Variants in HMX2 observed in about 807,000 individuals in gnomAD.
HMX2 encodes H6 family homeobox 2, also known as homeobox protein HMX2.
A neutral mutation model predicts 21.2 loss-of-function variants in HMX2; 15 were observed. The ratio of observed to expected loss-of-function variants is 0.71; its 90% CI spans 0.47 to 1.09. HMX2 has a LOEUF of 1.09. Among genes scored for constraint, HMX2 ranks in the 50% least tolerant of loss-of-function variants. The pLI is 0.00. For synonymous variants in HMX2, 193 were observed against 181.0 expected (o/e 1.07, Z -0.53); for missense variants, 440 against 381.5 (o/e 1.15, Z -1.28).
chr10:123,149,740 G>T lies in HMX2; in HGVS notation c.439G>T (p.Ala147Ser), dbSNP rs745515890. The T allele has an allele frequency of 2.6e-4, 395 of 1,535,034 alleles. 1 individual carries two copies. Among genetic ancestry groups the T allele is most frequent in the Middle Eastern group, 2.5e-3 (14 of 5,704 alleles). ...RDGGAERQAG[A>S]AKKKTRTVFS... is the part of the protein sequence containing the mutation. Reference sequence around the variant, plus strand: ...CGGCGGCGCTGAGCGGCAGGCCGGCGCGGCCAAGAAGAAGACGCGCACCGT... The same window carrying T: ...CGGCGGCGCTGAGCGGCAGGCCGGCTCGGCCAAGAAGAAGACGCGCACCGT... The change falls in exon 2 of 2, where the codon GCG becomes TCG. Residue 147 changes from alanine (A) to serine (S), a missense_variant. Transcript: ENST00000339992. This position sits in a 1 kb window ranked among gnomAD's most constrained non-coding sequence, Gnocchi z 5.4.
rs564333314 is a variant in HMX2, at chr10:123,149,562, C to T, written c.269-8C>T. On this transcript the variant is annotated splice_region_variant and splice_polypyrimidine_tract_variant and intron_variant, in intron 1 of 1. Transcript: ENST00000339992. This position sits in a 1 kb window ranked among gnomAD's most constrained non-coding sequence, Gnocchi z 5.4. ...TCCATGGCCTTTCTGTCTGTTCTCG[C>T]TCCTCAGGTACCCCCAAGGGCAGCG... is the stretch of plus-strand genomic sequence containing the variant. 2.8e-6 allele frequency: 4 copies of T among 1,436,044 alleles called. No individual in the cohort carries two copies. In the South Asian group the frequency reaches 6.5e-5, roughly 23 times the overall value. 89.0% of individuals were successfully genotyped at this position (1,436,044 alleles called of 1,614,324 possible).
In HMX2 at chr10:123,148,446, A is replaced by G. The variant is rs756796334; in HGVS notation, c.68A>G (p.Gln23Arg). The change falls in exon 1 of 2, where the codon CAG (glutamine) becomes CGG (arginine). Residue 23 changes from glutamine to arginine, a missense_variant. By Grantham distance (43) the Gln-to-Arg change is conservative. Coordinates refer to ENST00000339992, the MANE Select transcript of HMX2 (RefSeq NM_005519.2). ...AAGGVSSFTI[Q>R]SILGGGPSEA... ...GGTGGCGTCTCCAGCTTCACCATCC[A>G]GTCCATCCTGGGCGGGGGCCCCTCG... is the stretch of plus-strand genomic sequence containing the variant. 3 of 1,613,460 alleles carry G rather than the reference A, an allele frequency of 1.9e-6. No individual in the cohort carries two copies. Among genetic ancestry groups the G allele is most frequent in the Non-Finnish European group, 2.5e-6 (3 of 1,179,708 alleles).
rs1844261711 is a variant in HMX2, at chr10:123,150,597, G to A, written c.*474G>A. 6.5e-6 allele frequency: 1 copy of A among 153,520 alleles called. No homozygotes were observed. Among genetic ancestry groups the A allele is most frequent in the African/African-American group, 2.4e-5 (1 of 41,462 alleles). The allele number at this position is 153,520 out of a possible 1,614,324, so 9.5% of individuals were successfully genotyped here. On this transcript the variant is annotated 3_prime_UTR_variant, in exon 2 of 2. Transcript: ENST00000339992. This position sits in a 1 kb window ranked among gnomAD's most constrained non-coding sequence, Gnocchi z 4.2. ...TTTTCGTTTCCCTCATCCCGAGGATGGTAGGGACGAAAAGGGGAGAGTTCA... is the reference window on the plus strand; with the variant it reads ...TTTTCGTTTCCCTCATCCCGAGGATAGTAGGGACGAAAAGGGGAGAGTTCA...
chr10:123,149,485 C>T lies in HMX2; in HGVS notation c.269-85C>T, dbSNP rs1260806791. On this transcript the variant is annotated intron_variant, in intron 1 of 1. Transcript: ENST00000339992. This position sits in a 1 kb window ranked among gnomAD's most constrained non-coding sequence, Gnocchi z 5.4. The stretch of plus-strand genomic sequence containing the variant: ...TGGGACCAAGGCTGCAGGCGCTTGC[C>T]AACCGCTTGGTCCCAGGGAGAGCTG... 8.2e-7 allele frequency: 1 copy of T among 1,219,848 alleles called. No individual in the cohort carries two copies. The highest frequency in any genetic ancestry group is 1.6e-5 in the African/African-American group (1 of 63,448). The allele number at this position is 1,219,848 out of a possible 1,614,324, so 75.6% of individuals were successfully genotyped here.
Position 123,149,775 on chromosome 10 carries a change from C to T in HMX2, c.474C>T (p.Arg158=), listed in dbSNP as rs760918514. The change falls in exon 2 of 2, where the codon CGC becomes CGT. Residue 158 remains arginine, a synonymous_variant. Transcript: ENST00000339992. The surrounding 1 kb of genome is among the most constrained non-coding windows in gnomAD (Gnocchi z 5.4). ...AKKKTRTVFS[R]SQVYQLESTF... is the part of the protein sequence containing the mutation. ...AGAAGACGCGCACCGTCTTTTCGCG[C>T]AGCCAGGTGTACCAGCTCGAGTCCA... The T allele has an allele frequency of 1.9e-6, 3 of 1,598,182 alleles. No homozygotes were observed. Among genetic ancestry groups the T allele is most frequent in the African/African-American group, 1.4e-5 (1 of 73,746 alleles).
At position 123,150,148 on chromosome 10, in the gene HMX2, C is replaced by T. The variant is rs1363684826; in HGVS notation, c.*25C>T. On this transcript the variant is annotated 3_prime_UTR_variant, in exon 2 of 2. Transcript: ENST00000339992. The surrounding 1 kb of genome is among the most constrained non-coding windows in gnomAD (Gnocchi z 4.2). Reference sequence around the variant, plus strand: ...ACCGGCCCGCCGCCCCGCGCCGCCCCCAGCTGCCCGCAGAGCCGGGCGCGT... The same window carrying T: ...ACCGGCCCGCCGCCCCGCGCCGCCCTCAGCTGCCCGCAGAGCCGGGCGCGT... 6.7e-7 allele frequency: 1 copy of T among 1,502,370 alleles called. No homozygotes were observed. Among genetic ancestry groups the T allele is most frequent in the South Asian group, 1.3e-5 (1 of 79,040 alleles). 93.1% of individuals were successfully genotyped at this position (1,502,370 alleles called of 1,614,324 possible). A position where few individuals can be genotyped will look rare whatever the true frequency, so the allele number is the denominator to read the frequency against.
In HMX2 at chr10:123,148,163, A is replaced by G. The variant is rs781261205; in HGVS notation, c.-216A>G. ...ATTTGCACCGGGGCTGGGCGGGCGC[A>G]CCCAGAGCCAGGCGGGCAGGAACCC... On this transcript the variant is annotated 5_prime_UTR_variant, in exon 1 of 2. Coordinates refer to ENST00000339992, the MANE Select transcript of HMX2 (RefSeq NM_005519.2). 35 of 564,522 alleles carry G rather than the reference A, an allele frequency of 6.2e-5. No individual in the cohort carries two copies. Among genetic ancestry groups the G allele is most frequent in the Non-Finnish European group, 8.9e-5 (29 of 327,136 alleles). The allele number at this position is 564,522 out of a possible 1,614,324, so 35.0% of individuals were successfully genotyped here.
In HMX2 at chr10:123,150,008, C is replaced by G. The variant is rs932622257; in HGVS notation, c.707C>G (p.Ser236Trp). 11 of 1,609,418 alleles carry G rather than the reference C, an allele frequency of 6.8e-6. No individual in the cohort carries two copies. The Admixed American group carries it at 1.3e-4, about 20-fold the overall frequency. ...VSMPLVFRDSSLLRVPVPRSL... is the reference protein window; with the variant it reads ...VSMPLVFRDSWLLRVPVPRSL... The stretch of plus-strand genomic sequence containing the variant: ...ATGCCGCTGGTGTTCCGGGACAGTT[C>G]GCTGCTGCGCGTGCCGGTGCCGCGC... The change falls in exon 2 of 2, where the codon TCG becomes TGG. Residue 236 changes from serine (S) to tryptophan (W), a missense_variant. Ser to Trp is a radical substitution (Grantham distance 177). Transcript: ENST00000339992. This position sits in a 1 kb window ranked among gnomAD's most constrained non-coding sequence, Gnocchi z 4.2.
chr10:123,150,561 T>C lies in HMX2; in HGVS notation c.*438T>C, dbSNP rs1058359. The C allele has an allele frequency of 0.19, 29,718 of 155,298 alleles. 3,496 individuals are homozygous for C. The highest frequency in any genetic ancestry group is 0.36 in the East Asian group (1,879 of 5,258). 9.6% of individuals were successfully genotyped at this position (155,298 alleles called of 1,614,324 possible). ...GCCCTCAGAGGCTTTGGACAATTAC[T>C]AAATTGCTTCTTTTCGTTTCCCTCA... On this transcript the variant is annotated 3_prime_UTR_variant, in exon 2 of 2. Coordinates refer to ENST00000339992, the MANE Select transcript of HMX2 (RefSeq NM_005519.2). The surrounding 1 kb of genome is among the most constrained non-coding windows in gnomAD (Gnocchi z 4.2).
Position 123,149,199 on chromosome 10 carries a change from C to T in HMX2, c.269-371C>T, listed in dbSNP as rs1657280765. On this transcript the variant is annotated intron_variant, in intron 1 of 1. Coordinates refer to ENST00000339992, the MANE Select transcript of HMX2 (RefSeq NM_005519.2). The surrounding 1 kb of genome is among the most constrained non-coding windows in gnomAD (Gnocchi z 5.4). ...GTCCTTAGCGTGATTTCCAAACAAA[C>T]GGCCTGTGAAATGATGCCACCCTAT... 6.6e-6 allele frequency among the ~76,000 whole-genome samples: 1 copy of T among 152,156 alleles called. No individual in the cohort carries two copies. The highest frequency in any genetic ancestry group is 2.4e-5 in the African/African-American group (1 of 41,414).
At position 123,148,276 on chromosome 10, in the gene HMX2, C is replaced by T. The variant is rs1035924612; in HGVS notation, c.-103C>T. 6.3e-6 allele frequency: 8 copies of T among 1,270,598 alleles called. No homozygotes were observed. In the Admixed American group the frequency reaches 1.7e-4, roughly 27 times the overall value. The allele number at this position is 1,270,598 out of a possible 1,614,324, so 78.7% of individuals were successfully genotyped here. On this transcript the variant is annotated 5_prime_UTR_variant, in exon 1 of 2. Coordinates refer to ENST00000339992, the MANE Select transcript of HMX2 (RefSeq NM_005519.2). ...GCCCCCTCCCCCTAGATTTCCTCCC[C>T]GCCCCTCCCCACTGCCTGCCTGCTG...
rs1001559774 is a variant in HMX2, at chr10:123,150,128, C to T, written c.*5C>T. 6.6e-7 allele frequency: 1 copy of T among 1,518,272 alleles called. No individual in the cohort carries two copies. The highest frequency in any genetic ancestry group is 1.2e-5 in the South Asian group (1 of 81,738). 94.1% of individuals were successfully genotyped at this position (1,518,272 alleles called of 1,614,324 possible). A position where few individuals can be genotyped will look rare whatever the true frequency, so the allele number is the denominator to read the frequency against. On this transcript the variant is annotated 3_prime_UTR_variant, in exon 2 of 2. Coordinates refer to ENST00000339992, the MANE Select transcript of HMX2 (RefSeq NM_005519.2). This position sits in a 1 kb window ranked among gnomAD's most constrained non-coding sequence, Gnocchi z 4.2. ...TACAACAAGCTCGACTACTGACCGG[C>T]CCGCCGCCCCGCGCCGCCCCCAGCT...
rs770685100 is a variant in HMX2 at position 123,150,080 on chromosome 10, C to T, written c.779C>T (p.Ser260Leu). ...APLYYPGSNL[S>L]ALPLYNLYNK... The stretch of plus-strand genomic sequence containing the variant: ...CTCTACTACCCGGGAAGCAACCTCT[C>T]GGCCTTACCTCTCTACAACCTATAC... Residue 260 changes from serine (S) to leucine (L), a missense_variant, in exon 2 of 2, where the codon TCG becomes TTG. Coordinates refer to ENST00000339992, the MANE Select transcript of HMX2 (RefSeq NM_005519.2). The surrounding 1 kb of genome is among the most constrained non-coding windows in gnomAD (Gnocchi z 4.2). 2 of 1,593,804 alleles carry T rather than the reference C, an allele frequency of 1.3e-6. No individual in the cohort carries two copies. Among genetic ancestry groups the T allele is most frequent in the South Asian group, 2.2e-5 (2 of 89,846 alleles).
At position 123,149,982 on chromosome 10, in the gene HMX2, C is replaced by A. The variant is rs377729215; in HGVS notation, c.681C>A (p.Ser227Arg). The A allele has an allele frequency of 1.2e-6, 2 of 1,611,358 alleles. No homozygotes were observed. Among genetic ancestry groups the A allele is most frequent in the Non-Finnish European group, 1.7e-6 (2 of 1,179,442 alleles). ...ACGCGTCGGCGCAGACTCTGGTGAGCATGCCGCTGGTGTTCCGGGACAGTT... is the reference window on the plus strand; with the variant it reads ...ACGCGTCGGCGCAGACTCTGGTGAGAATGCCGCTGGTGTTCCGGGACAGTT... ...MAHASAQTLV[S>R]MPLVFRDSSL... is the part of the protein sequence containing the mutation. Residue 227 changes from serine to arginine, a missense_variant, in exon 2 of 2, where the codon AGC becomes AGA. Transcript: ENST00000339992. The surrounding 1 kb of genome is among the most constrained non-coding windows in gnomAD (Gnocchi z 5.4).
chr10:123,148,251 GC>G lies in HMX2; in HGVS notation c.-123del, dbSNP rs1206950024. On this transcript the variant is annotated 5_prime_UTR_variant, in exon 1 of 2. An upstream open reading frame in the 5' UTR loses its in-frame stop. Transcript: ENST00000339992. ...GAAGGGACGCCTCACCAGCCTCGGCGCCCCCTCCCCCTAGATTTCCTCCCCG... is the reference window on the plus strand; with the variant it reads ...GAAGGGACGCCTCACCAGCCTCGGCGCCCCTCCCCCTAGATTTCCTCCCCG... The G allele has an allele frequency of 1.1e-6, 1 of 938,410 alleles. No individual in the cohort carries two copies. The allele number at this position is 938,410 out of a possible 1,614,324, so 58.1% of individuals were successfully genotyped here. A position where few individuals can be genotyped will look rare whatever the true frequency, so the allele number is the denominator to read the frequency against.
In HMX2 at chr10:123,149,855, G is replaced by C. The variant is rs537323364; in HGVS notation, c.554G>C (p.Ser185Thr). 3 of 1,612,796 alleles carry C rather than the reference G, an allele frequency of 1.9e-6. No homozygotes were observed. Among genetic ancestry groups the C allele is most frequent in the Middle Eastern group, 1.6e-4 (1 of 6,084 alleles). The change falls in exon 2 of 2, where the codon AGC (serine) becomes ACC (threonine). Residue 185 changes from serine to threonine, a missense_variant. By Grantham distance (58) the Ser-to-Thr change is moderately conservative. Transcript: ENST00000339992. This position sits in a 1 kb window ranked among gnomAD's most constrained non-coding sequence, Gnocchi z 5.4. Reference sequence around the variant, plus strand: ...TCGGAGCGCGCCTGCCTCGCCTCCAGCCTGCAGCTCACGGAGACCCAGGTA... The same window carrying C: ...TCGGAGCGCGCCTGCCTCGCCTCCACCCTGCAGCTCACGGAGACCCAGGTA... ...SSSERACLAS[S>T]LQLTETQVKT...
chr10:123,148,835 C>T (rs1844233250), intron 1 of HMX2, among the ~76,000 whole-genome samples, 189 bp downstream of exon 1: 1 of 151,918 alleles, frequency 6.6e-6, no homozygotes, highest in South Asian at 2.1e-4. Context: ...AGCAGGCGAA[C>T]ACAGACCCGT....
rs550208186 is a variant in HMX2 at position 123,149,053 on chromosome 10, G to T, written c.268+407G>T. Among the ~76,000 whole-genome samples the T allele has an allele frequency of 6.6e-6, 1 of 152,134 alleles. No homozygotes were observed. ...CTGAGTCTTCTTCCTCACTCGCTCC[G>T]TATCTCTGCCTTTCTCTCTCTCTCC... On this transcript the variant is annotated intron_variant, in intron 1 of 1. Coordinates refer to ENST00000339992, the MANE Select transcript of HMX2 (RefSeq NM_005519.2). The surrounding 1 kb of genome is among the most constrained non-coding windows in gnomAD (Gnocchi z 5.4).
rs780200045 is a variant in HMX2, at chr10:123,148,383, G to A, written c.5G>A (p.Gly2Asp). The change falls in exon 1 of 2, where the codon GGC becomes GAC. Residue 2 changes from glycine (G) to aspartate (D), a missense_variant. Coordinates refer to ENST00000339992, the MANE Select transcript of HMX2 (RefSeq NM_005519.2). ...TCGATTTCTTATGAACCCAGGATGG[G>A]CAGCAAAGAAGATGCGGGCAAGGGG... MGSKEDAGKGCP... is the reference protein window; with the variant it reads MDSKEDAGKGCP... The A allele has an allele frequency of 3.7e-6, 6 of 1,613,206 alleles. No individual in the cohort carries two copies. Among genetic ancestry groups the A allele is most frequent in the Non-Finnish European group, 5.1e-6 (6 of 1,179,622 alleles).
Sources: gnomAD v4.1 joint callset for allele counts (sites outside exome capture counted in the v4.1 genomes callset) on GRCh38, gnomAD v4.1.1 for gene constraint, Gnocchi (gnomAD v3.1) non-coding constraint, MANE v1.5 for transcripts, NCBI Gene and HGNC (gene_info 2026-07-23, HGNC 2026-07-21) for gene names.